Variants in NLRC3 observed in about 807,000 individuals in gnomAD.
The protein encoded by NLRC3 is NLR family CARD domain containing 3, also known as NLR family CARD domain-containing protein 3.
Under a neutral mutation model 91.6 loss-of-function variants are expected in NLRC3, and 87 were observed. The ratio of observed to expected loss-of-function variants is 0.95; its 90% CI spans 0.80 to 1.14. The LOEUF (loss-of-function observed/expected upper bound fraction) is 1.14, where lower values mean the gene tolerates loss of function less well. NLRC3 is among the 50% of genes most tolerant of loss of function. NLRC3 has a pLI of 0.00. For missense variants in NLRC3, 1,577 were observed against 1,418.6 expected (o/e 1.11, Z -1.79); for synonymous variants, 694 against 625.3 (o/e 1.11, Z -1.64).
At chr16:3,549,561 C>G in intron 12 of NLRC3, 136 bp downstream of exon 12, 1 of 714,426 alleles carries the variant, frequency 1.4e-6, no homozygotes, top group Non-Finnish European at 2.4e-6. Flanking sequence ...CCCAAGAGAG[C>G]AGGAAAAGGG....
intron 12 of NLRC3, 32 bp from the exon 13 acceptor site, chr16:3,549,257 C>T: frequency 6.7e-7 from 1 of 1,498,598 alleles, no homozygotes. Flanking sequence ...GAGCTTCTGA[C>T]CGGGCAGATG....
Position 3,563,114 on chromosome 16 carries a change from A to G in NLRC3, c.1823T>C (p.Leu608Pro), listed in dbSNP as rs775381939. The G allele has an allele frequency of 1.8e-5, 29 of 1,580,182 alleles. No homozygotes were observed. The highest frequency in any genetic ancestry group is 2.5e-5 in the Non-Finnish European group (29 of 1,164,046). ...PAHRAALAYL[L>P]QVSDACAQEA... Reference sequence around the variant, plus strand: ...CTGGGCACAGGCGTCGGACACCTGCAGGAGGTAGGCCAGGGCAGCGCGGTG... The same window carrying G: ...CTGGGCACAGGCGTCGGACACCTGCGGGAGGTAGGCCAGGGCAGCGCGGTG... The change falls in exon 5 of 20, where the codon CTG (leucine) becomes CCG (proline). Residue 608 changes from leucine (L) to proline (P), a missense_variant. Leu to Pro is a moderately conservative substitution (Grantham distance 98). Transcript: ENST00000359128.
At chr16:3,555,933 A>AATAAATAAATAC (rs1231916380) in intron 8 of NLRC3, 3 of 126,192 alleles carry the variant, frequency 2.4e-5, no homozygotes, top group Non-Finnish European at 5.2e-5. Flanking sequence ...AAAATAAATA[A>AATAAATAAATAC]ATAAATAAAT....
At chr16:3,557,053 A>C in intron 7 of NLRC3, 59 bp from the exon 8 acceptor site, 1 of 1,204,314 alleles carries the variant, frequency 8.3e-7, no homozygotes, top group Non-Finnish European at 1.2e-6. Context: ...GGAAGGGGAA[A>C]CAGAAACTGC....
chr16:3,562,121 C>T (rs2039641645), intron 5 of NLRC3, among the ~76,000 whole-genome samples: 1 of 152,148 alleles, frequency 6.6e-6, no homozygotes. Flanking sequence ...GGGCAGGGGA[C>T]AGGCTGAAAG....
chr16:3,560,473 ACCTC>A (rs2151097301), intron 6 of NLRC3, among the ~76,000 whole-genome samples: 1 of 151,554 alleles, frequency 6.6e-6, no homozygotes, highest in South Asian at 2.1e-4. Flanking sequence ...CTCCAAACTC[ACCTC>A]CCTAGGTCTG....
chr16:3,551,003 A>G (rs1216199249), intron 10 of NLRC3, among the ~76,000 whole-genome samples: 2 of 151,670 alleles, frequency 1.3e-5, no homozygotes, highest in South Asian at 2.1e-4. Flanking sequence ...CCATTCGTCC[A>G]TCCATCCACC....
intron 15 of NLRC3, 42 bp from the exon 16 acceptor site, chr16:3,544,371 G>A (rs753835357): frequency 1.1e-5 from 16 of 1,422,274 alleles, no homozygotes; most frequent in South Asian, 1.0e-4. Context: ...CGGGGCACAG[G>A]GAGCATTCTA....
intron 5 of NLRC3, 143 bp downstream of exon 5, chr16:3,562,866 A>C (rs917361779): frequency 4.4e-5 from 35 of 786,560 alleles, no homozygotes; most frequent in Middle Eastern, 2.2e-4. Flanking sequence ...AACACACTTT[A>C]GTTGTTTTAA....
rs1230991229 is a variant in NLRC3, at chr16:3,541,532, G to A, written c.*293C>T. 5.7e-6 allele frequency: 2 copies of A among 352,168 alleles called. No homozygotes were observed. The highest frequency in any genetic ancestry group is 1.0e-5 in the Non-Finnish European group (2 of 193,440). 21.8% of individuals were successfully genotyped at this position (352,168 alleles called of 1,614,324 possible). A position where few individuals can be genotyped will look rare whatever the true frequency, so the allele number is the denominator to read the frequency against. On this transcript the variant is annotated 3_prime_UTR_variant, in exon 20 of 20. Coordinates refer to ENST00000359128, the MANE Select transcript of NLRC3 (RefSeq NM_178844.4). ...TCCTCAGGGTGTAAAGCTGGAACCAGCCTCCTGTACTGCTCAGCTTTCAGG... is the reference window on the plus strand; with the variant it reads ...TCCTCAGGGTGTAAAGCTGGAACCAACCTCCTGTACTGCTCAGCTTTCAGG...
At chr16:3,566,202 A>G (rs932863831) in intron 2 of NLRC3, among the ~76,000 whole-genome samples, 6 of 151,284 alleles carry the variant, frequency 4.0e-5, no homozygotes, top group Non-Finnish European at 5.9e-5. Context: ...ATTATAATCA[A>G]TGGACCACTG....
intron 1 of NLRC3, among the ~76,000 whole-genome samples, chr16:3,573,704 T>A (rs963759290): frequency 7.2e-5 from 11 of 152,168 alleles, no homozygotes; most frequent in African/African-American, 2.7e-4. Context: ...AGGGCATCAT[T>A]TGGGGTCTTA....
At chr16:3,544,104 G>A (rs186883170) in intron 16 of NLRC3, 142 bp downstream of exon 16, 162 of 604,812 alleles carry the variant, frequency 2.7e-4, no homozygotes, top group Non-Finnish European at 4.3e-4. Flanking sequence ...GTTACAGTTA[G>A]CTGAGATTAT....
rs45483498 is a variant in NLRC3 at position 3,563,927 on chromosome 16, A to G, written c.1010T>C (p.Met337Thr). 108,303 of 1,592,756 alleles carry G rather than the reference A, an allele frequency of 0.068. 4,090 individuals carry two copies. The highest frequency in any genetic ancestry group is 0.13 in the African/African-American group (9,586 of 74,644). ...GCTGCGCCACAGGTGGCCTAGCGCC[A>G]TCCCCGTGAGCCTGCAGAAGGCTGG... The part of the protein sequence containing the change: ...TVPAFCRLTG[M>T]ALGHLWRSRT... Residue 337 changes from methionine to threonine, a missense_variant, in exon 5 of 20, where the codon ATG becomes ACG. Coordinates refer to ENST00000359128, the MANE Select transcript of NLRC3 (RefSeq NM_178844.4).
chr16:3,572,303 ATT>A (rs200733386), intron 1 of NLRC3, among the ~76,000 whole-genome samples: 2 of 146,066 alleles, frequency 1.4e-5, no homozygotes. Context: ...GTAGTGGGAA[ATT>A]TTTTTTTTTT....
chr16:3,561,903 G>C lies in NLRC3; in HGVS notation c.1929-115C>G, dbSNP rs199476279. ...CATGCAGCGCTATCACCGCAGCTCT[G>C]AGATCTGCGCTCAGCCCCAGTGCTC... is the stretch of plus-strand genomic sequence containing the variant. On this transcript the variant is annotated intron_variant, in intron 5 of 19. Coordinates refer to ENST00000359128, the MANE Select transcript of NLRC3 (RefSeq NM_178844.4). The C allele has an allele frequency of 4.1e-6, 3 of 736,522 alleles. No individual in the cohort carries two copies. Among genetic ancestry groups the C allele is most frequent in the Non-Finnish European group, 7.2e-6 (3 of 415,818 alleles). The allele number at this position is 736,522 out of a possible 1,614,324, so 45.6% of individuals were successfully genotyped here. A position where few individuals can be genotyped will look rare whatever the true frequency, so the allele number is the denominator to read the frequency against.
intron 3 of NLRC3, 49 bp downstream of exon 3, chr16:3,565,270 G>T (rs1365977951): frequency 2.9e-6 from 2 of 690,216 alleles, no homozygotes; most frequent in Admixed American, 4.1e-5. Context: ...CAGGGGCCCA[G>T]TGGATGATAA....
chr16:3,542,231 C>A lies in NLRC3; in HGVS notation c.3067G>T (p.Ala1023Ser). The A allele has an allele frequency of 6.3e-7, 1 of 1,595,014 alleles. No homozygotes were observed. Among genetic ancestry groups the A allele is most frequent in the Admixed American group, 1.7e-5 (1 of 57,772 alleles). Residue 1023 changes from alanine (A) to serine (S), a missense_variant, in exon 19 of 20, where the codon GCC becomes TCC. Coordinates refer to ENST00000359128, the MANE Select transcript of NLRC3 (RefSeq NM_178844.4). ...SLGMDGAICI[A>S]TALSGNHRLQ... ...CTGTGGTTTCCAGACAGTGCTGTGG[C>A]AATGCATATCGCCCCGTCCATCCCC...
chr16:3,564,694 G>A lies in NLRC3; in HGVS notation c.243C>T (p.Gly81=), dbSNP rs746001303. 9.4e-6 allele frequency: 15 copies of A among 1,599,382 alleles called. No individual in the cohort carries two copies. Among genetic ancestry groups the A allele is most frequent in the South Asian group, 3.3e-5 (3 of 90,412 alleles). The change falls in exon 5 of 20, where the codon GGC becomes GGT. Residue 81 remains glycine (G), a synonymous_variant. Transcript: ENST00000359128. The surrounding 1 kb of genome is among the most constrained non-coding windows in gnomAD (Gnocchi z 5.9). ...GGGAGGCCAGCCTGTGCCAGGGTCC[G>A]CCCAGCTCCGGGCCACCTCCCACCT... The part of the protein sequence containing the change: ...LSKVGGGPEL[G]GPWHRLASLL...
Sources: allele counts gnomAD v4.1 joint callset (sites outside exome capture counted in the v4.1 genomes callset), GRCh38; gene constraint gnomAD v4.1.1; non-coding constraint Gnocchi (gnomAD v3.1); transcripts MANE v1.5; gene names NCBI Gene and HGNC (gene_info 2026-07-23, HGNC 2026-07-21).